PTPRD: variants seen among roughly 807,000 people sequenced by gnomAD.
The protein encoded by PTPRD is receptor-type tyrosine-protein phosphatase delta.
PTPRD carries 34 observed loss-of-function variants against 214.5 expected under a neutral mutation model. That is an observed-to-expected ratio of 0.16 (90% CI 0.12 to 0.21). The LOEUF (loss-of-function observed/expected upper bound fraction) is 0.21, where lower values mean the gene tolerates loss of function less well. Among genes scored for constraint, PTPRD ranks in the 10% least tolerant of loss-of-function variants. The pLI is 1.00. For missense variants in PTPRD, 2,545 were observed against 2,398.7 expected (o/e 1.06, Z -1.27); for synonymous variants, 1,128 against 845.7 (o/e 1.33, Z -5.79).
chr9:9,031,884 G>T (rs559462900), intron 10 of PTPRD, among the ~76,000 whole-genome samples: 1 of 151,914 alleles, frequency 6.6e-6, no homozygotes, highest in Non-Finnish European at 1.5e-5. Context: ...GAATTGGACA[G>T]TCAAAAAATG....
intron 7 of PTPRD, among the ~76,000 whole-genome samples, chr9:9,630,407 C>G (rs1340127839): frequency 6.6e-6 from 1 of 152,164 alleles, no homozygotes; most frequent in Non-Finnish European, 1.5e-5. Flanking sequence ...TAAGATCCAA[C>G]CAATGTCCCA....
intron 11 of PTPRD, among the ~76,000 whole-genome samples, chr9:8,864,044 A>G (rs550094515): frequency 6.6e-6 from 1 of 152,334 alleles, no homozygotes; most frequent in Admixed American, 6.5e-5. Flanking sequence ...CCAAAAACTG[A>G]TGAAACAGGC....
intron 3 of PTPRD, among the ~76,000 whole-genome samples, chr9:10,132,696 C>T (rs1322159): frequency 1.4e-4 from 21 of 152,210 alleles, no homozygotes; most frequent in African/African-American, 4.8e-4. Context: ...AGTAAGAGAT[C>T]AGGTAAGTGG....
intron 4 of PTPRD, among the ~76,000 whole-genome samples, chr9:9,946,340 C>T (rs77594045): frequency 2.0e-5 from 3 of 152,082 alleles, no homozygotes; most frequent in African/African-American, 7.2e-5. Flanking sequence ...ATAAGTATAA[C>T]TGAGAGATGC....
intron 12 of PTPRD, among the ~76,000 whole-genome samples, chr9:8,697,499 T>G (rs148797863): frequency 6.2e-5 from 9 of 145,096 alleles, no homozygotes; most frequent in Non-Finnish European, 1.5e-5. Flanking sequence ...CTTGGCTCAC[T>G]GCAATCCCCA....
chr9:9,068,543 TAACAC>T (rs2099738719), intron 10 of PTPRD, among the ~76,000 whole-genome samples: 1 of 152,218 alleles, frequency 6.6e-6, no homozygotes, highest in Admixed American at 6.5e-5. Context: ...GTGTCACTTT[TAACAC>T]TTAATTGCTA....
At chr9:8,536,034 G>C (rs2031212) in intron 14 of PTPRD, among the ~76,000 whole-genome samples, 22,333 of 151,850 alleles carry the variant, frequency 0.15, 1,683 homozygotes, top group African/African-American at 0.19. Flanking sequence ...AGAGTTCCTT[G>C]AGGTAAATAA....
intron 8 of PTPRD, among the ~76,000 whole-genome samples, chr9:9,502,646 G>A (rs1466385899): frequency 6.6e-6 from 1 of 151,788 alleles, no homozygotes; most frequent in Non-Finnish European, 1.5e-5. Context: ...ATTGTTTATA[G>A]CAGCTTTATT....
At chr9:8,590,966 A>G (rs1051420248) in intron 14 of PTPRD, among the ~76,000 whole-genome samples, 22 of 152,146 alleles carry the variant, frequency 1.4e-4, no homozygotes, top group African/African-American at 2.2e-4. Flanking sequence ...TATGGAGGCT[A>G]TAGGGGAGAA....
intron 2 of PTPRD, among the ~76,000 whole-genome samples, chr9:10,400,983 C>A (rs1284119963): frequency 6.6e-6 from 1 of 151,532 alleles, no homozygotes; most frequent in Non-Finnish European, 1.5e-5. Context: ...TATTTCCTCA[C>A]AAATCAATTT....
chr9:10,541,130 G>C (rs2059013774), intron 2 of PTPRD, among the ~76,000 whole-genome samples: 1 of 152,124 alleles, frequency 6.6e-6, no homozygotes, highest in Non-Finnish European at 1.5e-5. Flanking sequence ...GCATAAAACA[G>C]GACTTAATTA....
At chr9:9,312,336 A>G (rs186241570) in intron 9 of PTPRD, among the ~76,000 whole-genome samples, 8 of 152,316 alleles carry the variant, frequency 5.3e-5, no homozygotes, top group Admixed American at 1.3e-4. Context: ...AGAAAATTCT[A>G]TATTACAGGG....
At chr9:8,882,135 TC>T (rs2098451233) in intron 11 of PTPRD, among the ~76,000 whole-genome samples, 1 of 152,204 alleles carries the variant, frequency 6.6e-6, no homozygotes, top group Non-Finnish European at 1.5e-5. Flanking sequence ...TTCTCTTTTT[TC>T]CTTTTTCCCT....
chr9:8,776,318 T>C (rs2154490409), intron 11 of PTPRD, among the ~76,000 whole-genome samples: 1 of 152,282 alleles, frequency 6.6e-6, no homozygotes, highest in South Asian at 2.1e-4. Flanking sequence ...GTTTTTATTT[T>C]TGAGACAGGG....
intron 6 of PTPRD, among the ~76,000 whole-genome samples, chr9:9,756,569 T>G (rs1177953145): frequency 2.0e-5 from 3 of 150,756 alleles, no homozygotes; most frequent in Admixed American, 1.3e-4. Context: ...AGATAGGGGG[T>G]GGGGGTTGGA....
chr9:9,052,232 T>C (rs1218199637), intron 10 of PTPRD, among the ~76,000 whole-genome samples: 1 of 152,196 alleles, frequency 6.6e-6, no homozygotes, highest in Non-Finnish European at 1.5e-5. Flanking sequence ...ATGAGGGTTC[T>C]GCCCTTATTA....
At chr9:8,487,726 C>T (rs1312115096) in intron 27 of PTPRD, among the ~76,000 whole-genome samples, 7 of 152,180 alleles carry the variant, frequency 4.6e-5, no homozygotes, top group Middle Eastern at 3.2e-3. Context: ...AGGAGCATCA[C>T]TTGAACCCGG....
intron 10 of PTPRD, among the ~76,000 whole-genome samples, chr9:9,059,604 C>T (rs917056184): frequency 6.6e-6 from 1 of 151,928 alleles, no homozygotes; most frequent in Non-Finnish European, 1.5e-5. Flanking sequence ...AATGTATGTC[C>T]TTAAGCACAT....
At chr9:8,768,530 G>C (rs149796638) in intron 11 of PTPRD, among the ~76,000 whole-genome samples, 69 of 152,236 alleles carry the variant, frequency 4.5e-4, no homozygotes, top group African/African-American at 1.6e-3. Context: ...TTCAGCCTGG[G>C]TGACAGAGCA....
Sources: allele counts gnomAD v4.1 joint callset (sites outside exome capture counted in the v4.1 genomes callset), GRCh38; gene constraint gnomAD v4.1.1; transcripts MANE v1.5; gene names NCBI Gene and HGNC (gene_info 2026-07-23, HGNC 2026-07-21).